CHM: variants seen among roughly 807,000 people sequenced by gnomAD.
The protein encoded by CHM is rab proteins geranylgeranyltransferase component A 1.
In CHM, 10 loss-of-function variants were observed where a neutral mutation model predicts 49.0. The observed-to-expected ratio is 0.20, with a 90% confidence interval of 0.13 to 0.35. The LOEUF is 0.35. Ranked by LOEUF, CHM falls within the 10% of genes least tolerant of loss-of-function variation. CHM has a pLI of 1.00. For missense variants in CHM, 455 were observed against 478.4 expected, an observed-to-expected ratio of 0.95 and a Z score of 0.46; for synonymous variants, 184 against 167.5, an observed-to-expected ratio of 1.10 and a Z score of -0.76.
intron 4 of CHM, among the ~76,000 whole-genome samples, chrX:85,972,392 G>GGC (rs1034520589): frequency 8.8e-6 from 1 of 113,423 alleles, no homozygotes; most frequent in African/African-American, 3.2e-5. Flanking sequence ...GATGGGACTG[G>GGC]GCGCCGTGGA....
chrX:85,887,075 A>G (rs147435274), intron 12 of CHM, among the ~76,000 whole-genome samples: 1 of 108,748 alleles, frequency 9.2e-6, no homozygotes, highest in African/African-American at 3.3e-5. Context: ...TTCCTGGTGT[A>G]AGCCTTACTA....
chrX:86,038,025 C>T (rs181537639), intron 1 of CHM, among the ~76,000 whole-genome samples: 62 of 111,927 alleles, frequency 5.5e-4, no homozygotes, highest in African/African-American at 2.0e-3. Context: ...ACAAGTATTT[C>T]AGTGGGAAAT....
chrX:85,872,639 C>T (rs1385085026), intron 14 of CHM, among the ~76,000 whole-genome samples: 1 of 111,714 alleles, frequency 9.0e-6, no homozygotes, highest in African/African-American at 3.3e-5. Context: ...TTTTATAAGC[C>T]TTAGTAGTTA....
In CHM at chrX:85,978,866, C is replaced by T. The variant is rs1931441501; in HGVS notation, c.215G>A (p.Ser72Asn). 8.3e-7 allele frequency: 1 copy of T among 1,205,069 alleles called. No homozygotes were observed. The highest frequency in any genetic ancestry group is 2.2e-5 in the Admixed American group (1 of 45,676). The change falls in exon 4 of 15, where the codon AGT (serine) becomes AAT (asparagine). Residue 72 changes from serine to asparagine, a missense_variant. Physicochemically the swap from Ser to Asn is conservative, Grantham distance 46. Coordinates refer to ENST00000357749, the MANE Select transcript of CHM (RefSeq NM_000390.4). Reference protein sequence around the residue: ...YQENSDIVSDSPVWQDQILEN... With the variant: ...YQENSDIVSDNPVWQDQILEN... The stretch of plus-strand genomic sequence containing the variant: ...AAGGATCTGGTCTTGCCACACTGGA[C>T]TGTCACTTACAATGTCACTGTTTTC...
intron 2 of CHM, among the ~76,000 whole-genome samples, chrX:86,021,118 G>GTATACACATA (rs1569254956): frequency 5.6e-5 from 2 of 35,918 alleles, no homozygotes; most frequent in Non-Finnish European, 9.3e-5. Flanking sequence ...ATATATATGT[G>GTATACACATA]TATATACGTA....
intron 8 of CHM, among the ~76,000 whole-genome samples, chrX:85,919,786 T>C (rs1927670204): frequency 8.9e-6 from 1 of 111,826 alleles, no homozygotes; most frequent in African/African-American, 3.3e-5. Context: ...ACATTTTTCA[T>C]ATTGCTTCTC....
At chrX:86,014,307 G>A (rs1228862548) in intron 2 of CHM, among the ~76,000 whole-genome samples, 2 of 111,364 alleles carry the variant, frequency 1.8e-5, no homozygotes, top group Non-Finnish European at 3.8e-5. Flanking sequence ...ATTTCAAGTG[G>A]CAAAACAAGT....
rs1491222904 is a variant in CHM at position 85,949,977 on chromosome X, A to AT, written c.1166+6175_1166+6176insA. ...GCTTTGAGCAATAAACACTGAAATT[A>AT]AATATATATATATATATATATATAT... is the stretch of plus-strand genomic sequence containing the variant. On this transcript the variant is annotated intron_variant, in intron 8 of 14. Coordinates refer to ENST00000357749, the MANE Select transcript of CHM (RefSeq NM_000390.4). Among the ~76,000 whole-genome samples, 15 of 39,650 alleles carry AT rather than the reference A, an allele frequency of 3.8e-4. No homozygotes were observed. The East Asian group carries it at 9.5e-3, about 25-fold the overall frequency. The allele number at this position is 39,650 out of a possible 115,157, so 34.4% of individuals were successfully genotyped here.
intron 8 of CHM, among the ~76,000 whole-genome samples, chrX:85,925,565 T>C (rs2148187906): frequency 9.0e-6 from 1 of 111,519 alleles, no homozygotes; most frequent in South Asian, 3.8e-4. Flanking sequence ...ACAGCAATCC[T>C]ACTTAGAATC....
At chrX:85,892,421 C>T (rs1219050435) in intron 12 of CHM, among the ~76,000 whole-genome samples, 2 of 109,827 alleles carry the variant, frequency 1.8e-5, no homozygotes, top group African/African-American at 6.6e-5. Context: ...CTTTCTTGTG[C>T]TATTCTCATG....
chrX:85,885,061 G>A (rs1925003600), intron 12 of CHM, among the ~76,000 whole-genome samples: 1 of 110,714 alleles, frequency 9.0e-6, no homozygotes, highest in Non-Finnish European at 1.9e-5. Flanking sequence ...TCTACCCCAT[G>A]CTCAATGGGA....
At chrX:85,986,702 C>T (rs147363264) in intron 2 of CHM, among the ~76,000 whole-genome samples, 1 of 111,843 alleles carries the variant, frequency 8.9e-6, no homozygotes, top group East Asian at 2.8e-4. Context: ...TAAAGGAATA[C>T]CCACAGGCAG....
intron 13 of CHM, among the ~76,000 whole-genome samples, chrX:85,875,572 T>C (rs1333844608): frequency 1.8e-5 from 2 of 111,648 alleles, no homozygotes; most frequent in African/African-American, 6.5e-5. Context: ...GTAAACTATG[T>C]TAGTAATACC....
At chrX:85,891,890 G>A (rs1925486766) in intron 12 of CHM, among the ~76,000 whole-genome samples, 1 of 112,058 alleles carries the variant, frequency 8.9e-6, no homozygotes, top group Non-Finnish European at 1.9e-5. Context: ...ACCCTGCAAA[G>A]CCACAAGAGT....
At position 85,879,056 on chromosome X, in the gene CHM, A is replaced by G; in HGVS notation, c.1518T>C (p.Val506=). The change falls in exon 13 of 15, where the codon GTT becomes GTC. Residue 506 remains valine (V), a synonymous_variant. Coordinates refer to ENST00000357749, the MANE Select transcript of CHM (RefSeq NM_000390.4). ...TMTCMKGTYL[V]HLTCTSSKTA... ...TTTTAGAAGATGTGCAAGTCAAATG[A>G]ACCAAATCTGTTAAAAAAAAAATAT... 1 of 1,174,937 alleles carries G rather than the reference A, an allele frequency of 8.5e-7. No homozygotes were observed.
At chrX:85,951,135 C>T (rs1929724439) in intron 8 of CHM, among the ~76,000 whole-genome samples, 1 of 111,808 alleles carries the variant, frequency 8.9e-6, no homozygotes, top group South Asian at 3.7e-4. Context: ...TTCTTAAATG[C>T]TTATATTAAA....
intron 14 of CHM, among the ~76,000 whole-genome samples, chrX:85,868,498 C>A (rs1923850935): frequency 1.8e-5 from 2 of 111,593 alleles, no homozygotes; most frequent in African/African-American, 6.5e-5. Flanking sequence ...CCCTAATGGT[C>A]TTTTTGTCTT....
At chrX:85,900,956 T>C in intron 10 of CHM, 128 bp downstream of exon 10, 2 of 545,964 alleles carry the variant, frequency 3.7e-6, no homozygotes, top group Non-Finnish European at 6.2e-6. Flanking sequence ...AACCAGACCC[T>C]GTAAGTGAAG....
chrX:85,910,256 C>T (rs150679597), intron 9 of CHM, among the ~76,000 whole-genome samples: 13 of 111,164 alleles, frequency 1.2e-4, no homozygotes, highest in Non-Finnish European at 2.5e-4. Context: ...TTAAACGATA[C>T]AAAACTTTTG....
Sources: gnomAD v4.1 joint callset for allele counts (sites outside exome capture counted in the v4.1 genomes callset) on GRCh38, gnomAD v4.1.1 for gene constraint, MANE v1.5 for transcripts, NCBI Gene and HGNC (gene_info 2026-07-23, HGNC 2026-07-21) for gene names.